Variants in RAPGEF6 observed in about 807,000 individuals in gnomAD.
RAPGEF6 encodes the protein PDZ domain containing guanine nucleotide exchange factor (GEF) 2.
RAPGEF6 carries 56 observed loss-of-function variants against 171.4 expected under a neutral mutation model. That is an observed-to-expected ratio of 0.33 (90% CI 0.26 to 0.41). RAPGEF6 has a LOEUF of 0.41. Among genes scored for constraint, RAPGEF6 ranks in the 10% least tolerant of loss-of-function variants. RAPGEF6 has a pLI of 1.00. For missense variants in RAPGEF6, 1,674 were observed against 1,921.4 expected (o/e 0.87, Z 2.41); for synonymous variants, 692 against 650.1 (o/e 1.06, Z -0.98).
chr5:131,434,477 G>C (rs1165233663), intron 24 of RAPGEF6, among the ~76,000 whole-genome samples: 1 of 152,126 alleles, frequency 6.6e-6, no homozygotes, highest in African/African-American at 2.4e-5. Context: ...GGCCTCAAGC[G>C]ATCCTCCCGC....
chr5:131,501,054 T>C (rs947271100), intron 11 of RAPGEF6, among the ~76,000 whole-genome samples: 1 of 150,794 alleles, frequency 6.6e-6, no homozygotes, highest in African/African-American at 2.4e-5. Flanking sequence ...ATTACATGTC[T>C]GAGGCACCAT....
intron 6 of RAPGEF6, among the ~76,000 whole-genome samples, chr5:131,546,915 T>C (rs1187695485): frequency 6.6e-6 from 1 of 152,148 alleles, no homozygotes; most frequent in Non-Finnish European, 1.5e-5. Context: ...AGGAACAATC[T>C]GTTTCTAATT....
At chr5:131,620,983 T>C (rs1326137248) in intron 1 of RAPGEF6, among the ~76,000 whole-genome samples, 7 of 152,238 alleles carry the variant, frequency 4.6e-5, no homozygotes, top group Admixed American at 4.6e-4. Context: ...CCTCATGATC[T>C]GGATCCTGAC....
intron 12 of RAPGEF6, among the ~76,000 whole-genome samples, chr5:131,497,009 C>CTCCATACCGTTGGCAA (rs780490606): frequency 8.2e-4 from 125 of 152,204 alleles, no homozygotes; most frequent in South Asian, 2.9e-3. Context: ...GGTTCAATGT[C>CTCCATACCGTTGGCAA]TCCATACCGT....
chr5:131,479,238 A>G (rs573100617), intron 16 of RAPGEF6, among the ~76,000 whole-genome samples: 1 of 152,290 alleles, frequency 6.6e-6, no homozygotes, highest in Non-Finnish European at 1.5e-5. Context: ...GGAGACTAAA[A>G]GTGGACCAAA....
chr5:131,517,426 T>C (rs997433118), intron 7 of RAPGEF6, among the ~76,000 whole-genome samples: 2 of 151,000 alleles, frequency 1.3e-5, no homozygotes, highest in Admixed American at 6.7e-5. Context: ...TCTAGAAGAA[T>C]AAAAGCAGAA....
chr5:131,443,007 G>C (rs1398508865), intron 22 of RAPGEF6, among the ~76,000 whole-genome samples: 1 of 151,050 alleles, frequency 6.6e-6, no homozygotes, highest in Non-Finnish European at 1.5e-5. Flanking sequence ...AGGCTGGAGT[G>C]CAATGGTGCA....
intron 13 of RAPGEF6, among the ~76,000 whole-genome samples, chr5:131,493,521 T>C (rs1379049251): frequency 1.3e-5 from 2 of 152,218 alleles, no homozygotes; most frequent in Non-Finnish European, 2.9e-5. Context: ...CAAAGAAACA[T>C]TCAAGTTTTC....
intron 6 of RAPGEF6, among the ~76,000 whole-genome samples, chr5:131,536,556 C>T (rs1177041194): frequency 6.6e-6 from 1 of 152,048 alleles, no homozygotes; most frequent in African/African-American, 2.4e-5. Context: ...TCACAGCCAC[C>T]AGCTGGACAC....
chr5:131,486,726 AT>A (rs5871425), intron 15 of RAPGEF6, among the ~76,000 whole-genome samples: 1,726 of 127,232 alleles, frequency 0.014, 39 homozygotes, highest in East Asian at 0.12. Context: ...CAAGGGATAA[AT>A]TTTTTTTTTT....
chr5:131,622,363 A>T (rs1284397786), intron 1 of RAPGEF6, among the ~76,000 whole-genome samples: 4 of 152,246 alleles, frequency 2.6e-5, no homozygotes, highest in African/African-American at 9.6e-5. Flanking sequence ...CACGACAAAA[A>T]TCTTGGTCTT....
At chr5:131,473,239 AAAGT>A (rs1166353750) in intron 16 of RAPGEF6, among the ~76,000 whole-genome samples, 2 of 152,254 alleles carry the variant, frequency 1.3e-5, no homozygotes, top group Non-Finnish European at 2.9e-5. Context: ...GTCAAGTGAC[AAAGT>A]AAGAGTGGTC....
At chr5:131,442,766 A>C (rs1752467247) in intron 22 of RAPGEF6, among the ~76,000 whole-genome samples, 1 of 152,170 alleles carries the variant, frequency 6.6e-6, no homozygotes. Flanking sequence ...TAAGTTGTTA[A>C]TTTTATCTCC....
At chr5:131,491,824 T>C (rs1756302150) in intron 14 of RAPGEF6, among the ~76,000 whole-genome samples, 1 of 152,176 alleles carries the variant, frequency 6.6e-6, no homozygotes, top group Non-Finnish European at 1.5e-5. Context: ...GTGGAAAAAC[T>C]GTCTTCCATA....
intron 4 of RAPGEF6, among the ~76,000 whole-genome samples, chr5:131,576,973 G>A (rs186067609): frequency 1.3e-5 from 2 of 152,034 alleles, no homozygotes; most frequent in Non-Finnish European, 2.9e-5. Flanking sequence ...CTCCCTTTCC[G>A]ACACATCAAG....
intron 6 of RAPGEF6, among the ~76,000 whole-genome samples, chr5:131,528,054 A>C (rs940920569): frequency 8.1e-6 from 1 of 124,088 alleles, no homozygotes; most frequent in Non-Finnish European, 1.7e-5. Context: ...AATTATATAT[A>C]ATATAATATA....
intron 1 of RAPGEF6, among the ~76,000 whole-genome samples, chr5:131,623,614 T>C (rs1421589692): frequency 6.6e-6 from 1 of 150,658 alleles, no homozygotes; most frequent in Non-Finnish European, 1.5e-5. Context: ...GCCTCCCAAG[T>C]AGATGGGATT....
chr5:131,483,642 T>C (rs1445594854), intron 15 of RAPGEF6, among the ~76,000 whole-genome samples: 1 of 152,170 alleles, frequency 6.6e-6, no homozygotes, highest in Non-Finnish European at 1.5e-5. Flanking sequence ...TATATATGCG[T>C]TCACAAACAC....
chr5:131,590,715 T>C lies in RAPGEF6; in HGVS notation c.281+1668A>G, dbSNP rs538519374. 2.6e-5 allele frequency among the ~76,000 whole-genome samples: 4 copies of C among 152,314 alleles called. No homozygotes were observed. In the East Asian group the frequency reaches 7.7e-4, roughly 29 times the overall value. On this transcript the variant is annotated intron_variant, in intron 4 of 27. Coordinates refer to ENST00000509018, the MANE Select transcript of RAPGEF6 (RefSeq NM_016340.6). ...CATGATTTTTCTAAAATCTCAAACATTCTGATTATTTACTTAAAAAGATAA... is the reference window on the plus strand; with the variant it reads ...CATGATTTTTCTAAAATCTCAAACACTCTGATTATTTACTTAAAAAGATAA...
Sources: allele counts gnomAD v4.1 joint callset (sites outside exome capture counted in the v4.1 genomes callset), GRCh38; gene constraint gnomAD v4.1.1; transcripts MANE v1.5; gene names NCBI Gene and HGNC (gene_info 2026-07-23, HGNC 2026-07-21).